The following FAT3 variants were observed in gnomAD, a reference collection of about 807,000 sequenced individuals.
FAT3 encodes the protein protocadherin Fat 3.
A neutral mutation model predicts 310.2 loss-of-function variants in FAT3; 95 were observed. The observed-to-expected ratio is 0.31, with a 90% CI of 0.26 to 0.36. The LOEUF (loss-of-function observed/expected upper bound fraction) is 0.36, where lower values mean the gene tolerates loss of function less well. Ranked by LOEUF, FAT3 falls within the 10% of genes least tolerant of loss-of-function variation. The pLI is 1.00. For synonymous variants in FAT3, 2,314 were observed against 2,192.9 expected, an observed-to-expected ratio of 1.06 and a Z score of -1.54; for missense variants, 5,408 against 5,715.6, an observed-to-expected ratio of 0.95 and a Z score of 1.74.
chr11:92,442,485 T>G (rs2135082900), intron 2 of FAT3, among the ~76,000 whole-genome samples: 1 of 152,000 alleles, frequency 6.6e-6, no homozygotes, highest in East Asian at 1.9e-4. Flanking sequence ...AATAAATAAA[T>G]AAACTAATAA....
chr11:92,717,769 G>T (rs1215387979), intron 4 of FAT3, among the ~76,000 whole-genome samples: 1 of 151,874 alleles, frequency 6.6e-6, no homozygotes, highest in East Asian at 1.9e-4. Flanking sequence ...AATGTGATGG[G>T]GACAAAGATG....
At chr11:92,387,454 A>T (rs895495291) in intron 2 of FAT3, among the ~76,000 whole-genome samples, 17 of 152,120 alleles carry the variant, frequency 1.1e-4, no homozygotes, top group Admixed American at 1.0e-3. Context: ...GGCCAGGAAC[A>T]CTAGTTGTTG....
At chr11:92,870,308 A>T (rs1036221857) in intron 22 of FAT3, among the ~76,000 whole-genome samples, 3 of 152,158 alleles carry the variant, frequency 2.0e-5, no homozygotes, top group Non-Finnish European at 2.9e-5. Flanking sequence ...GCTTGGAATG[A>T]CACAGTCAGC....
chr11:92,534,275 C>CT (rs1343541933), intron 3 of FAT3, among the ~76,000 whole-genome samples: 3 of 151,996 alleles, frequency 2.0e-5, no homozygotes, highest in African/African-American at 7.2e-5. Context: ...AACCACAGTC[C>CT]TGGGGGGGGA....
Position 92,524,960 on chromosome 11 carries a change from C to T in FAT3, c.3607+12C>T, listed in dbSNP as rs1288217404. The T allele has an allele frequency of 6.2e-7, 1 of 1,602,630 alleles. No individual in the cohort carries two copies. The highest frequency in any genetic ancestry group is 8.5e-7 in the Non-Finnish European group (1 of 1,171,822). On this transcript the variant is annotated intron_variant, in intron 3 of 27. Coordinates refer to ENST00000525166, the MANE Select transcript of FAT3 (RefSeq NM_001367949.2). ...CAATATCAAAACAGGTAAGGGAATG[C>T]TTATATGACTTCTTTTTAGTTTGTA...
At chr11:92,778,694 C>T (rs1481879070) in intron 7 of FAT3, among the ~76,000 whole-genome samples, 1 of 152,066 alleles carries the variant, frequency 6.6e-6, no homozygotes, top group East Asian at 1.9e-4. Flanking sequence ...AAACTAACTC[C>T]TTAACACTTT....
At chr11:92,616,003 C>A (rs1467313749) in intron 3 of FAT3, among the ~76,000 whole-genome samples, 1 of 152,160 alleles carries the variant, frequency 6.6e-6, no homozygotes, top group Non-Finnish European at 1.5e-5. Context: ...CCACTTGGTG[C>A]AGAGCTGAGT....
chr11:92,615,571 G>C (rs1250915180), intron 3 of FAT3, among the ~76,000 whole-genome samples: 1 of 152,138 alleles, frequency 6.6e-6, no homozygotes, highest in Non-Finnish European at 1.5e-5. Flanking sequence ...ATGATGTTAG[G>C]TTGTCAATTT....
At chr11:92,295,453 G>A (rs1337804495) in intron 1 of FAT3, among the ~76,000 whole-genome samples, 1 of 152,106 alleles carries the variant, frequency 6.6e-6, no homozygotes, top group Non-Finnish European at 1.5e-5. Flanking sequence ...CCCGAGCTGT[G>A]CCGTGTCTGA....
intron 21 of FAT3, among the ~76,000 whole-genome samples, chr11:92,864,801 G>A (rs1037018681): frequency 2.0e-4 from 31 of 152,166 alleles, no homozygotes; most frequent in African/African-American, 7.2e-4. Context: ...TGGTGACACA[G>A]TGAGACTCCA....
intron 1 of FAT3, among the ~76,000 whole-genome samples, chr11:92,243,398 G>A (rs16917218): frequency 0.22 from 33,582 of 151,624 alleles, 3,825 homozygotes; most frequent in East Asian, 0.38. Flanking sequence ...TGGGGCTTTT[G>A]GGAAAAGTTT....
intron 2 of FAT3, among the ~76,000 whole-genome samples, chr11:92,470,242 A>G (rs1951871635): frequency 1.3e-5 from 2 of 152,334 alleles, no homozygotes; most frequent in South Asian, 4.1e-4. Context: ...TTATAAGCAA[A>G]CGTTTCATAA....
intron 1 of FAT3, among the ~76,000 whole-genome samples, chr11:92,260,523 C>T (rs1865505650): frequency 6.6e-6 from 1 of 151,982 alleles, no homozygotes; most frequent in Non-Finnish European, 1.5e-5. Flanking sequence ...TATAAACTCC[C>T]ACTTTTAATA....
At chr11:92,486,086 T>C (rs971096735) in intron 2 of FAT3, among the ~76,000 whole-genome samples, 13 of 144,358 alleles carry the variant, frequency 9.0e-5, no homozygotes, top group Admixed American at 8.1e-4. Context: ...TTTCCATGAA[T>C]TCCTCTAAGG....
intron 1 of FAT3, among the ~76,000 whole-genome samples, chr11:92,342,332 G>T (rs559860194): frequency 6.6e-6 from 1 of 152,154 alleles, no homozygotes; most frequent in East Asian, 1.9e-4. Flanking sequence ...CCCTTGCCCT[G>T]CGTTACCATC....
chr11:92,857,543 G>A (rs975998523), intron 20 of FAT3, among the ~76,000 whole-genome samples, 195 bp downstream of exon 20: 2 of 152,196 alleles, frequency 1.3e-5, no homozygotes, highest in Non-Finnish European at 2.9e-5. Context: ...TGTGCTAAGG[G>A]AGCATGTAAA....
At position 92,844,109 on chromosome 11, in the gene FAT3, A is replaced by C. The variant is rs1350983566; in HGVS notation, c.10742A>C (p.Tyr3581Ser). The change falls in exon 19 of 28, where the codon TAT (tyrosine) becomes TCT (serine). Residue 3581 changes from tyrosine to serine, a missense_variant. Coordinates refer to ENST00000525166, the MANE Select transcript of FAT3 (RefSeq NM_001367949.2). ...ATTCATGCCACAGATCAAGACATGTATGATGTGCTCACATTTGCCCTGAAA... is the reference window on the plus strand; with the variant it reads ...ATTCATGCCACAGATCAAGACATGTCTGATGTGCTCACATTTGCCCTGAAA... Reference protein sequence around the residue: ...GKIHATDQDMYDVLTFALKSE... With the variant: ...GKIHATDQDMSDVLTFALKSE... 1.2e-6 allele frequency: 2 copies of C among 1,613,898 alleles called. No homozygotes were observed. Among genetic ancestry groups the C allele is most frequent in the African/African-American group, 2.7e-5 (2 of 74,930 alleles).
chr11:92,601,785 C>T (rs1171419949), intron 3 of FAT3, among the ~76,000 whole-genome samples: 2 of 151,996 alleles, frequency 1.3e-5, no homozygotes, highest in African/African-American at 4.8e-5. Context: ...CCTTCTGCAC[C>T]AGAGTTTAGG....
intron 1 of FAT3, among the ~76,000 whole-genome samples, chr11:92,267,188 T>C (rs980053538): frequency 2.6e-5 from 4 of 152,186 alleles, no homozygotes; most frequent in Non-Finnish European, 5.9e-5. Flanking sequence ...TTCTTTATTA[T>C]TCAAGACAGA....
Sources: gnomAD v4.1 joint callset for allele counts (sites outside exome capture counted in the v4.1 genomes callset) on GRCh38, gnomAD v4.1.1 for gene constraint, MANE v1.5 for transcripts, NCBI Gene and HGNC (gene_info 2026-07-23, HGNC 2026-07-21) for gene names.